The following LRRC9 variants were observed in gnomAD, a reference collection of about 807,000 sequenced individuals.
The protein encoded by LRRC9 is leucine-rich repeat-containing protein 9.
A neutral mutation model predicts 63.2 loss-of-function variants in LRRC9; 122 were observed. The observed-to-expected ratio is 1.93, with a 90% CI of 1.67 to 2.24. LRRC9 has a LOEUF of 2.24. LRRC9 is among the 30% of genes most tolerant of loss of function. The pLI, the probability that LRRC9 is intolerant of heterozygous loss-of-function variation, is 0.00. For missense variants in LRRC9, 1,071 were observed against 627.7 expected, an observed-to-expected ratio of 1.71 and a Z score of -7.55; for synonymous variants, 366 against 213.1, an observed-to-expected ratio of 1.72 and a Z score of -6.25.
Position 60,017,582 on chromosome 14 carries a change from G to A in LRRC9, c.3318-789G>A, listed in dbSNP as rs925601266. 6.6e-6 allele frequency among the ~76,000 whole-genome samples: 1 copy of A among 151,992 alleles called. No homozygotes were observed. The highest frequency in any genetic ancestry group is 2.4e-5 in the African/African-American group (1 of 41,388). On this transcript the variant is annotated intron_variant, in intron 24 of 31. Transcript: ENST00000445360. The surrounding 1 kb of genome is among the most constrained non-coding windows in gnomAD (Gnocchi z 4.0). ...TTTATTTTTCTGGCTCCCACTTCTT[G>A]GGGGCTGAAACATTTCTTTCATCTT... is the stretch of plus-strand genomic sequence containing the variant.
At position 59,990,204 on chromosome 14, in the gene LRRC9, G is replaced by A. The variant is rs1281849732; in HGVS notation, c.2211+4980G>A. Among the ~76,000 whole-genome samples the A allele has an allele frequency of 6.6e-6, 1 of 152,080 alleles. No homozygotes were observed. The highest frequency in any genetic ancestry group is 1.5e-5 in the Non-Finnish European group (1 of 68,022). ...GACCTCCCAAAGTGCTGGGATTACA[G>A]GCATGAGCCGCTGTGCCCAGCCTAG... On this transcript the variant is annotated intron_variant, in intron 17 of 31. Coordinates refer to ENST00000445360, the Ensembl canonical transcript of LRRC9. This position sits in a 1 kb window ranked among gnomAD's most constrained non-coding sequence, Gnocchi z 4.2.
rs781098955 is a variant in LRRC9 at position 59,927,508 on chromosome 14, C to T, written c.-33-403C>T. On this transcript the variant is annotated intron_variant, in intron 1 of 31. Transcript: ENST00000445360. This position sits in a 1 kb window ranked among gnomAD's most constrained non-coding sequence, Gnocchi z 4.4. ...GAGAACTGTGTTCACGTTTAGACAC[C>T]GCAGTGTAATACAAAGGACAACTAG... is the stretch of plus-strand genomic sequence containing the variant. Among the ~76,000 whole-genome samples, 17 of 151,854 alleles carry T rather than the reference C, an allele frequency of 1.1e-4. 1 individual carries two copies. In the South Asian group the frequency reaches 1.2e-3, roughly 11 times the overall value.
chr14:60,046,323 A>T (rs1893422836), intron 29 of LRRC9, among the ~76,000 whole-genome samples: 1 of 152,096 alleles, frequency 6.6e-6, no homozygotes, highest in African/African-American at 2.4e-5. Context: ...TGCTTTTGGC[A>T]TATTTGTCAC....
At chr14:59,965,484 A>G (rs897140175) in intron 10 of LRRC9, among the ~76,000 whole-genome samples, 6 of 152,220 alleles carry the variant, frequency 3.9e-5, no homozygotes, top group African/African-American at 1.2e-4. Flanking sequence ...TCAGTAGTCC[A>G]ATGAGAGATC....
chr14:59,931,599 T>A lies in LRRC9; in HGVS notation c.409-20T>A, dbSNP rs1889706636. 1.5e-6 allele frequency: 1 copy of A among 689,632 alleles called. No individual in the cohort carries two copies. 42.7% of individuals were successfully genotyped at this position (689,632 alleles called of 1,614,324 possible). On this transcript the variant is annotated intron_variant, in intron 4 of 31. Coordinates refer to ENST00000445360, the Ensembl canonical transcript of LRRC9. ...AATTTTAATTATCTGTTCTAAATAATATGTTGTCTAAATTTTTAGGGTTTG... is the reference window on the plus strand; with the variant it reads ...AATTTTAATTATCTGTTCTAAATAAAATGTTGTCTAAATTTTTAGGGTTTG...
intron 7 of LRRC9, among the ~76,000 whole-genome samples, chr14:59,944,320 C>T (rs1485653289): frequency 6.6e-6 from 1 of 151,790 alleles, no homozygotes. Flanking sequence ...TATCTGTAGT[C>T]TCTTTTTGTT....
intron 29 of LRRC9, among the ~76,000 whole-genome samples, chr14:60,036,806 T>G (rs899664218): frequency 1.3e-5 from 2 of 152,168 alleles, no homozygotes; most frequent in African/African-American, 4.8e-5. Context: ...AGGGTACATG[T>G]GCACAACGTG....
intron 15 of LRRC9, among the ~76,000 whole-genome samples, chr14:59,979,132 C>T (rs766293642): frequency 6.6e-6 from 1 of 152,128 alleles, no homozygotes; most frequent in Non-Finnish European, 1.5e-5. Flanking sequence ...TTAGCCCAGG[C>T]ATGGTGGCTC....
At chr14:59,968,854 T>C (rs1226030315) in intron 12 of LRRC9, among the ~76,000 whole-genome samples, 3 of 152,190 alleles carry the variant, frequency 2.0e-5, no homozygotes, top group Non-Finnish European at 2.9e-5. Flanking sequence ...TCTGTGCTGC[T>C]CTGTCCAAAA....
chr14:60,008,040 C>T (rs1889961553), intron 22 of LRRC9, 52 bp from the exon 23 acceptor site: 1 of 541,836 alleles, frequency 1.8e-6, no homozygotes, highest in African/African-American at 2.0e-5. Context: ...TAACCTCTTA[C>T]TAGAGTGCTT....
chr14:60,020,843 A>G (rs1181945340), intron 26 of LRRC9, among the ~76,000 whole-genome samples: 1 of 151,870 alleles, frequency 6.6e-6, no homozygotes, highest in African/African-American at 2.4e-5. Flanking sequence ...ATTTCACTGT[A>G]TGGATATGAC....
At chr14:59,983,964 G>A (rs1157249753) in intron 16 of LRRC9, among the ~76,000 whole-genome samples, 3 of 152,156 alleles carry the variant, frequency 2.0e-5, no homozygotes, top group Non-Finnish European at 4.4e-5. Context: ...CAGCTGCACC[G>A]TTACATCACC....
intron 31 of LRRC9, among the ~76,000 whole-genome samples, chr14:60,059,693 G>C (rs960960984): frequency 1.3e-5 from 2 of 152,208 alleles, no homozygotes; most frequent in Non-Finnish European, 2.9e-5. Flanking sequence ...AGTCTATGAA[G>C]GCTGAAAGTG....
intron 8 of LRRC9, among the ~76,000 whole-genome samples, chr14:59,952,803 C>T (rs1325760314): frequency 1.3e-5 from 2 of 152,126 alleles, no homozygotes; most frequent in East Asian, 1.9e-4. Flanking sequence ...TGCTCTCCCT[C>T]CCCTTGCCCC....
chr14:60,046,227 T>C (rs1167675705), intron 29 of LRRC9, among the ~76,000 whole-genome samples: 1 of 152,228 alleles, frequency 6.6e-6, no homozygotes, highest in Non-Finnish European at 1.5e-5. Context: ...AGGTTGCCTG[T>C]GCACTCTGAT....
intron 1 of LRRC9, among the ~76,000 whole-genome samples, chr14:59,921,220 G>A (rs1328645548): frequency 1.3e-5 from 2 of 152,206 alleles, no homozygotes; most frequent in African/African-American, 4.8e-5. Context: ...GTTGTGGCCT[G>A]AACCTAGGGT....
intron 29 of LRRC9, among the ~76,000 whole-genome samples, chr14:60,039,259 G>A (rs149058449): frequency 0.021 from 3,200 of 152,090 alleles, 60 homozygotes; most frequent in South Asian, 0.051. Context: ...CTTTCGTATC[G>A]GGATGATGCT....
At chr14:60,059,169 T>C (rs188485283) in intron 31 of LRRC9, 36 of 152,312 alleles carry the variant, frequency 2.4e-4, no homozygotes, top group Admixed American at 2.4e-3. Context: ...TTCACAGATA[T>C]TGAGTTTTTT....
At chr14:60,033,936 C>T (rs1044002723) in intron 29 of LRRC9, among the ~76,000 whole-genome samples, 2 of 151,228 alleles carry the variant, frequency 1.3e-5, no homozygotes, top group African/African-American at 2.4e-5. Flanking sequence ...TAAAGCTAGT[C>T]ACGTTTGTAT....
Sources: gnomAD v4.1 joint callset for allele counts (sites outside exome capture counted in the v4.1 genomes callset) on GRCh38, gnomAD v4.1.1 for gene constraint, Gnocchi (gnomAD v3.1) non-coding constraint, MANE v1.5 for transcripts, NCBI Gene and HGNC (gene_info 2026-07-23, HGNC 2026-07-21) for gene names.